MEGF10: variants seen among roughly 807,000 people sequenced by gnomAD.
MEGF10 encodes the protein multiple EGF like domains 10.
In MEGF10, 86 loss-of-function variants were observed where a neutral mutation model predicts 147.5. That is an observed-to-expected ratio of 0.58 (90% CI 0.49 to 0.70). MEGF10 has a LOEUF of 0.70. Among genes scored for constraint, MEGF10 ranks in the 30% least tolerant of loss-of-function variants. The probability of loss-of-function intolerance (pLI) is 0.00; values close to 1 mark genes in which losing one functional copy is unlikely to be tolerated. For synonymous variants in MEGF10, 478 were observed against 525.5 expected (o/e 0.91, Z 1.24); for missense variants, 1,329 against 1,487.3 (o/e 0.89, Z 1.75).
At chr5:127,229,350 C>T in the MEGF10 span, 107 of 152,358 alleles carry the variant, frequency 7.0e-4, no homozygotes, top group African/African-American at 2.5e-3. Flanking sequence ...CCGTGGTTCC[C>T]GCCCGGGCCC....
At chr5:127,284,104 C>T in the MEGF10 span, among the ~76,000 whole-genome samples, 4 of 152,166 alleles carry the variant, frequency 2.6e-5, no homozygotes, top group South Asian at 8.3e-4. Context: ...CCCTTTCTTC[C>T]TCCACTACCT....
the MEGF10 span, among the ~76,000 whole-genome samples, chr5:127,277,834 C>T: frequency 6.6e-6 from 1 of 152,040 alleles, no homozygotes; most frequent in African/African-American, 2.4e-5. Flanking sequence ...TTGATATAAG[C>T]AAATGAAAGG....
intron 13 of MEGF10, among the ~76,000 whole-genome samples, chr5:127,427,715 G>A (rs1414640958): frequency 6.6e-6 from 1 of 152,152 alleles, no homozygotes; most frequent in South Asian, 2.1e-4. Context: ...TCTGTCGTGA[G>A]GTGATGTCTC....
chr5:127,258,913 A>G, the MEGF10 span, among the ~76,000 whole-genome samples: 1 of 152,198 alleles, frequency 6.6e-6, no homozygotes, highest in African/African-American at 2.4e-5. Context: ...TCTTATAGTA[A>G]CACAAAACAG....
At chr5:127,329,822 G>A (rs1401588476) in intron 1 of MEGF10, among the ~76,000 whole-genome samples, 1 of 152,180 alleles carries the variant, frequency 6.6e-6, no homozygotes, top group Non-Finnish European at 1.5e-5. Context: ...AGATGACATA[G>A]TATGACAATT....
intron 5 of MEGF10, among the ~76,000 whole-genome samples, chr5:127,382,696 A>G (rs1035709873): frequency 6.6e-6 from 1 of 152,200 alleles, no homozygotes; most frequent in African/African-American, 2.4e-5. Context: ...TTTGCCACAT[A>G]AGTAAACAGA....
rs142759572 is a variant in MEGF10 at position 127,359,865 on chromosome 5, A to G, written c.320-10045A>G. On this transcript the variant is annotated intron_variant, in intron 4 of 24. Transcript: ENST00000503335. The stretch of plus-strand genomic sequence containing the variant: ...TGTACACATCTTTGTATGGGCATAC[A>G]TATGCTTTCATTTCTCTTGGGTAAT... 2.4e-3 allele frequency among the ~76,000 whole-genome samples: 363 copies of G among 152,240 alleles called. 1 individual carries two copies. The highest frequency in any genetic ancestry group is 8.2e-3 in the African/African-American group (340 of 41,568).
chr5:127,398,577 A>G, intron 6 of MEGF10, 99 bp from the exon 7 acceptor site: 1 of 1,372,622 alleles, frequency 7.3e-7, no homozygotes, highest in Non-Finnish European at 1.0e-6. Context: ...ATTATTGAAC[A>G]CAGAAAGCTT....
At chr5:127,386,473 A>G (rs1265758660) in intron 5 of MEGF10, among the ~76,000 whole-genome samples, 1 of 152,168 alleles carries the variant, frequency 6.6e-6, no homozygotes, top group Non-Finnish European at 1.5e-5. Flanking sequence ...CCCCATATAC[A>G]AGCCTACACT....
the MEGF10 span, among the ~76,000 whole-genome samples, chr5:127,265,512 T>C: frequency 2.0e-5 from 3 of 152,178 alleles, no homozygotes; most frequent in Non-Finnish European, 2.9e-5. Context: ...TCCACAATGG[T>C]TGAACTAGTA....
At chr5:127,362,331 G>GTTTT (rs35156178) in intron 4 of MEGF10, among the ~76,000 whole-genome samples, 1 of 134,340 alleles carries the variant, frequency 7.4e-6, no homozygotes. Flanking sequence ...CGTTAGTATG[G>GTTTT]TTTTTTTTTT....
intron 4 of MEGF10, among the ~76,000 whole-genome samples, chr5:127,342,715 C>G (rs1761731426): frequency 6.6e-6 from 1 of 152,140 alleles, no homozygotes; most frequent in Non-Finnish European, 1.5e-5. Context: ...TACATTTTCT[C>G]TCCTGCTAGA....
intron 21 of MEGF10, 114 bp from the exon 22 acceptor site, chr5:127,448,985 C>G: frequency 2.2e-6 from 3 of 1,370,924 alleles, no homozygotes; most frequent in South Asian, 3.0e-5. Context: ...GAGCTCAGGT[C>G]ACTCTAAGGA....
At chr5:127,347,314 T>C (rs1430174807) in intron 4 of MEGF10, among the ~76,000 whole-genome samples, 2 of 152,100 alleles carry the variant, frequency 1.3e-5, no homozygotes, top group African/African-American at 4.8e-5. Flanking sequence ...CTGCCTCTTA[T>C]AAAATTGCTA....
chr5:127,443,253 GT>G (rs1765822840), intron 19 of MEGF10, 127 bp downstream of exon 19: 2 of 1,026,468 alleles, frequency 1.9e-6, no homozygotes, highest in African/African-American at 1.7e-5. Context: ...GGCATAATTG[GT>G]TACTTATTTA....
At chr5:127,254,590 C>T in the MEGF10 span, among the ~76,000 whole-genome samples, 1 of 151,910 alleles carries the variant, frequency 6.6e-6, no homozygotes, top group East Asian at 1.9e-4. Context: ...GGTGGGTGAT[C>T]ACCTGAGGTC....
At chr5:127,267,553 G>C in the MEGF10 span, among the ~76,000 whole-genome samples, 110 of 152,186 alleles carry the variant, frequency 7.2e-4, 1 homozygote, top group Admixed American at 6.5e-4. Flanking sequence ...GTCTGGTCCT[G>C]GACTTTTTTT....
chr5:127,405,354 T>C lies in MEGF10; in HGVS notation c.917+2672T>C, dbSNP rs9327440. Among the ~76,000 whole-genome samples the C allele has an allele frequency of 7.9e-3, 1,198 of 152,294 alleles. 23 individuals are homozygous for C. The highest frequency in any genetic ancestry group is 0.028 in the African/African-American group (1,151 of 41,554). On this transcript the variant is annotated intron_variant, in intron 8 of 24. Transcript: ENST00000503335. ...TGCCTCCAACTTAGACCCTGTACTT[T>C]CTTATTAAATTTATTTCTGAGTATT...
At chr5:127,428,309 C>G (rs1765274654) in intron 13 of MEGF10, among the ~76,000 whole-genome samples, 1 of 152,014 alleles carries the variant, frequency 6.6e-6, no homozygotes, top group Non-Finnish European at 1.5e-5. Context: ...GGTTTAACAA[C>G]CATTTGTTGA....
Sources: gnomAD v4.1 joint callset for allele counts (sites outside exome capture counted in the v4.1 genomes callset) on GRCh38, gnomAD v4.1.1 for gene constraint, MANE v1.5 for transcripts, NCBI Gene and HGNC (gene_info 2026-07-23, HGNC 2026-07-21) for gene names.